Variants in CCSER1 observed in about 807,000 individuals in gnomAD.
CCSER1 encodes the protein serine-rich coiled-coil domain-containing protein 1.
A neutral mutation model predicts 82.0 loss-of-function variants in CCSER1; 41 were observed. The ratio of observed to expected loss-of-function variants is 0.50; its 90% CI spans 0.39 to 0.65. The LOEUF is 0.65. Ranked by LOEUF, CCSER1 falls within the 30% of genes least tolerant of loss-of-function variation. The pLI is 0.00. For missense variants in CCSER1, 1,119 were observed against 1,064.2 expected, an observed-to-expected ratio of 1.05 and a Z score of -0.72; for synonymous variants, 414 against 383.9, an observed-to-expected ratio of 1.08 and a Z score of -0.92.
chr4:91,439,003 C>G lies in CCSER1; in HGVS notation c.2218-159569C>G, dbSNP rs113868792. On this transcript the variant is annotated intron_variant, in intron 10 of 10. Coordinates refer to ENST00000509176, the MANE Select transcript of CCSER1 (RefSeq NM_001145065.2). ...ATGTGAAAGGACCAAACCTATGTCTCATTGGTGTACCTGAAAGTGACGGGG... is the reference window on the plus strand; with the variant it reads ...ATGTGAAAGGACCAAACCTATGTCTGATTGGTGTACCTGAAAGTGACGGGG... Among the ~76,000 whole-genome samples the G allele has an allele frequency of 5.3e-5, 8 of 152,222 alleles. 1 individual carries two copies. The highest frequency in any genetic ancestry group is 1.9e-4 in the African/African-American group (8 of 41,526).
At chr4:91,523,659 C>T (rs974307816) in intron 10 of CCSER1, among the ~76,000 whole-genome samples, 11 of 152,184 alleles carry the variant, frequency 7.2e-5, no homozygotes, top group East Asian at 3.9e-4. Flanking sequence ...AGTTTATTTG[C>T]GTAGAGGTGT....
chr4:90,641,292 A>G (rs1003780455), intron 6 of CCSER1, among the ~76,000 whole-genome samples: 3 of 152,174 alleles, frequency 2.0e-5, no homozygotes, highest in African/African-American at 7.2e-5. Flanking sequence ...ATAGATATGT[A>G]TATAGTAAGA....
At chr4:90,354,189 C>T (rs991841636) in intron 3 of CCSER1, among the ~76,000 whole-genome samples, 58 of 152,112 alleles carry the variant, frequency 3.8e-4, no homozygotes, top group African/African-American at 1.1e-3. Flanking sequence ...TGAAATAAGC[C>T]AGACAGAAAG....
chr4:91,157,211 A>C (rs1730903109), intron 10 of CCSER1, among the ~76,000 whole-genome samples: 1 of 152,010 alleles, frequency 6.6e-6, no homozygotes, highest in Admixed American at 6.6e-5. Flanking sequence ...AGCAGCCAAA[A>C]CTTATGTTGT....
intron 9 of CCSER1, among the ~76,000 whole-genome samples, chr4:91,014,759 C>T (rs1046562633): frequency 6.6e-6 from 1 of 152,148 alleles, no homozygotes. Context: ...TCAAATATTT[C>T]ACTTGAATTT....
At chr4:91,534,464 T>C (rs1761197446) in intron 10 of CCSER1, among the ~76,000 whole-genome samples, 1 of 152,086 alleles carries the variant, frequency 6.6e-6, no homozygotes, top group Non-Finnish European at 1.5e-5. Context: ...ACTTGCTTTC[T>C]ATCATGGGCA....
intron 10 of CCSER1, among the ~76,000 whole-genome samples, chr4:91,185,270 C>A (rs1734416221): frequency 6.6e-6 from 1 of 152,070 alleles, no homozygotes; most frequent in East Asian, 1.9e-4. Context: ...CAATTAGGAG[C>A]TGTGCCATGT....
At chr4:90,425,945 A>G (rs1757471630) in intron 4 of CCSER1, among the ~76,000 whole-genome samples, 1 of 152,172 alleles carries the variant, frequency 6.6e-6, no homozygotes, top group Non-Finnish European at 1.5e-5. Context: ...GTTAATGAAG[A>G]AAAGAGCAGT....
intron 10 of CCSER1, among the ~76,000 whole-genome samples, chr4:91,310,850 G>T (rs1338541522): frequency 6.6e-6 from 1 of 151,638 alleles, no homozygotes; most frequent in Non-Finnish European, 1.5e-5. Context: ...GACTTTTTTT[G>T]TGATTTTTTT....
rs150268886 is a variant in CCSER1 at position 90,310,889 on chromosome 4, T to C, written c.1324+1281T>C. On this transcript the variant is annotated intron_variant, in intron 2 of 10. Coordinates refer to ENST00000509176, the MANE Select transcript of CCSER1 (RefSeq NM_001145065.2). ...TTTTCCAGCTGTCTTAATACTTTTC[T>C]CATTTGATACAAGATCACTTTTATG... 1.9e-4 allele frequency among the ~76,000 whole-genome samples: 29 copies of C among 152,290 alleles called. No homozygotes were observed. The East Asian group carries it at 5.4e-3, about 28-fold the overall frequency.
chr4:91,018,083 C>T (rs1288200006), intron 9 of CCSER1, among the ~76,000 whole-genome samples: 3 of 152,028 alleles, frequency 2.0e-5, no homozygotes, highest in Non-Finnish European at 2.9e-5. Context: ...ATAGAACTAT[C>T]AAATGATTGT....
chr4:91,543,813 C>A (rs551452880), intron 10 of CCSER1, among the ~76,000 whole-genome samples: 1 of 152,028 alleles, frequency 6.6e-6, no homozygotes, highest in African/African-American at 2.4e-5. Context: ...ATCTTTGTGG[C>A]GTTCTCTGTA....
chr4:90,861,762 C>G (rs1765111937), intron 8 of CCSER1, among the ~76,000 whole-genome samples: 1 of 151,308 alleles, frequency 6.6e-6, no homozygotes, highest in South Asian at 2.1e-4. Flanking sequence ...CTCATTTGAC[C>G]CTTACAAAAT....
At chr4:90,522,208 T>A (rs543407622) in intron 5 of CCSER1, among the ~76,000 whole-genome samples, 1 of 152,288 alleles carries the variant, frequency 6.6e-6, no homozygotes, top group African/African-American at 2.4e-5. Context: ...CATTTGTGGT[T>A]AATAATATCA....
chr4:91,077,319 T>A (rs1561526853), intron 9 of CCSER1, among the ~76,000 whole-genome samples: 1 of 152,176 alleles, frequency 6.6e-6, no homozygotes, highest in African/African-American at 2.4e-5. Flanking sequence ...GTAACTTAAC[T>A]GCCTGCCAGG....
intron 9 of CCSER1, among the ~76,000 whole-genome samples, chr4:90,975,710 TG>T (rs1485136835): frequency 6.6e-6 from 1 of 151,326 alleles, no homozygotes; most frequent in Non-Finnish European, 1.5e-5. Context: ...CCAGTTACTA[TG>T]TAAGGATATT....
chr4:90,214,798 G>T (rs931372232), intron 1 of CCSER1, among the ~76,000 whole-genome samples: 1 of 152,128 alleles, frequency 6.6e-6, no homozygotes. Context: ...GTCCAGAGAG[G>T]TTAAAGGATT....
intron 10 of CCSER1, among the ~76,000 whole-genome samples, chr4:91,205,213 A>G (rs1198216915): frequency 1.3e-5 from 2 of 151,816 alleles, no homozygotes; most frequent in Non-Finnish European, 2.9e-5. Flanking sequence ...TTTCTTCAAT[A>G]TTAAATCAAT....
intron 1 of CCSER1, among the ~76,000 whole-genome samples, chr4:90,266,089 A>G (rs1375683968): frequency 6.6e-6 from 1 of 152,160 alleles, no homozygotes; most frequent in East Asian, 1.9e-4. Context: ...GCAATGTCCC[A>G]CTAAAACATA....
Sources: allele counts gnomAD v4.1 joint callset (sites outside exome capture counted in the v4.1 genomes callset), GRCh38; gene constraint gnomAD v4.1.1; transcripts MANE v1.5; gene names NCBI Gene and HGNC (gene_info 2026-07-23, HGNC 2026-07-21).